Variants in MTAP observed in about 807,000 individuals in gnomAD.
MTAP encodes the protein methylthioadenosine phosphorylase.
In MTAP, 33 loss-of-function variants were observed where a neutral mutation model predicts 33.6. That is an observed-to-expected ratio of 0.98 (90% confidence interval 0.74 to 1.31). The LOEUF (loss-of-function observed/expected upper bound fraction) is 1.31. Among genes scored for constraint, MTAP ranks in the 40% most tolerant of loss-of-function variants. The pLI is 0.00. For missense variants in MTAP, 367 were observed against 360.0 expected (o/e 1.02, Z -0.16); for synonymous variants, 148 against 125.7 (o/e 1.18, Z -1.19).
At chr9:21,837,876 C>G in intron 4 of MTAP, 32 bp from the exon 5 acceptor site, 2 of 1,587,634 alleles carry the variant, frequency 1.3e-6, no homozygotes, top group Non-Finnish European at 8.6e-7. Flanking sequence ...TAAAATAAAA[C>G]AAACAAAAAC....
chr9:21,932,025 A>G (rs1377206790), downstream of MTAP: 1 of 151,454 alleles, frequency 6.6e-6, no homozygotes, highest in South Asian at 2.1e-4. Flanking sequence ...ATGAGACTCT[A>G]TTTTTTTTTC....
intron 1 of MTAP, among the ~76,000 whole-genome samples, chr9:21,920,685 A>G (rs2131032262): frequency 1.3e-5 from 2 of 152,306 alleles, no homozygotes; most frequent in Middle Eastern, 6.8e-3. Context: ...AAACTTGATT[A>G]AATAATTATT....
chr9:21,838,042 T>A (rs755645632), intron 5 of MTAP, 32 bp downstream of exon 5: 3 of 1,572,752 alleles, frequency 1.9e-6, no homozygotes, highest in Non-Finnish European at 2.6e-6. Flanking sequence ...TGTACCAGAA[T>A]AAATCATGTG....
At chr9:21,930,573 G>T in intron 1 of MTAP, 1 of 321,146 alleles carries the variant, frequency 3.1e-6, no homozygotes, top group Non-Finnish European at 5.6e-6. Flanking sequence ...TAAACTGCCG[G>T]AATCTCAAAA....
chr9:21,864,290 G>T lies in MTAP; in HGVS notation c.*2276G>T. ...CAATATAATTTTCCTCATACCTTATGCTTGAGGATATTGTTGAAGAACACT... is the reference window on the plus strand; with the variant it reads ...CAATATAATTTTCCTCATACCTTATTCTTGAGGATATTGTTGAAGAACACT... On this transcript the variant is annotated 3_prime_UTR_variant, in exon 8 of 8. Coordinates refer to ENST00000644715, the MANE Select transcript of MTAP (RefSeq NM_002451.4). The T allele has an allele frequency of 1.0e-6, 1 of 984,998 alleles. No individual in the cohort carries two copies. Among genetic ancestry groups the T allele is most frequent in the Non-Finnish European group, 1.2e-6 (1 of 829,862 alleles). The allele number at this position is 984,998 out of a possible 1,614,324, so 61.0% of individuals were successfully genotyped here.
chr9:21,817,009 A>G (rs1226260967), intron 3 of MTAP, among the ~76,000 whole-genome samples: 1 of 152,200 alleles, frequency 6.6e-6, no homozygotes, highest in East Asian at 1.9e-4. Flanking sequence ...CTAAAATCAA[A>G]GCTCTGGTTT....
chr9:21,884,840 A>T (rs1818082211), intron 1 of MTAP, among the ~76,000 whole-genome samples: 1 of 152,202 alleles, frequency 6.6e-6, no homozygotes, highest in Non-Finnish European at 1.5e-5. Context: ...ATAAAATTGC[A>T]TGATTCCCTT....
At chr9:21,859,640 G>C (rs1320392287) in intron 7 of MTAP, 11 of 441,674 alleles carry the variant, frequency 2.5e-5, no homozygotes, top group Non-Finnish European at 4.3e-5. Flanking sequence ...GGCTAGGGTT[G>C]AGAGAGTTTT....
chr9:21,818,934 T>A (rs1276002188), intron 4 of MTAP, among the ~76,000 whole-genome samples: 1 of 152,178 alleles, frequency 6.6e-6, no homozygotes, highest in African/African-American at 2.4e-5. Context: ...CCCCAGCCCC[T>A]GGTAACCTTT....
intron 1 of MTAP, among the ~76,000 whole-genome samples, chr9:21,898,395 A>G (rs1818333609): frequency 6.6e-6 from 1 of 152,258 alleles, no homozygotes; most frequent in Non-Finnish European, 1.5e-5. Context: ...ATCTAATTAA[A>G]CTAAAGAGCT....
intron 1 of MTAP, among the ~76,000 whole-genome samples, chr9:21,806,630 A>G (rs1432869103): frequency 6.6e-6 from 1 of 151,992 alleles, no homozygotes; most frequent in Non-Finnish European, 1.5e-5. Context: ...GAGTGAGGAT[A>G]TTACCTGGGG....
At position 21,837,870 on chromosome 9, in the gene MTAP, A is replaced by T. The variant is rs527629026; in HGVS notation, c.348-38A>T. On this transcript the variant is annotated intron_variant, in intron 4 of 7. Coordinates refer to ENST00000644715, the MANE Select transcript of MTAP (RefSeq NM_002451.4). ...CGGAGGATGGAAAGATGGCCTTAAA[A>T]TAAAACAAACAAAAACCTTTTTTGC... 3 of 1,576,412 alleles carry T rather than the reference A, an allele frequency of 1.9e-6. No individual in the cohort carries two copies. In the South Asian group the frequency reaches 3.3e-5, roughly 18 times the overall value.
chr9:21,911,805 C>T (rs929236710), intron 1 of MTAP, among the ~76,000 whole-genome samples: 1 of 151,762 alleles, frequency 6.6e-6, no homozygotes. Flanking sequence ...GAGATAGAGA[C>T]ACAAAAAACC....
rs1365121952 is a variant in MTAP, at chr9:21,806,579, C to CT, written c.33+3804dup. Among the ~76,000 whole-genome samples the CT allele has an allele frequency of 3.3e-5, 5 of 152,074 alleles. No homozygotes were observed. In the East Asian group the frequency reaches 9.7e-4, roughly 30 times the overall value. On this transcript the variant is annotated intron_variant, in intron 1 of 7. Transcript: ENST00000644715. ...CTGGAGTGAGAGTAATTCAAGCAATCTTTTTTGTGGTTCACTGCAGTGAGA... is the reference window on the plus strand; with the variant it reads ...CTGGAGTGAGAGTAATTCAAGCAATCTTTTTTTGTGGTTCACTGCAGTGAGA...
At chr9:21,813,398 G>C (rs1824400018) in intron 1 of MTAP, among the ~76,000 whole-genome samples, 1 of 152,236 alleles carries the variant, frequency 6.6e-6, no homozygotes, top group Non-Finnish European at 1.5e-5. Context: ...GCTGAGGGCT[G>C]AGTTGCCAGC....
chr9:21,930,837 T>C, intron 1 of MTAP: 1 of 675,272 alleles, frequency 1.5e-6, no homozygotes, highest in Non-Finnish European at 2.6e-6. Flanking sequence ...AGCCTCCAGC[T>C]TACAAGAACA....
chr9:21,805,147 C>A (rs1005562359), intron 1 of MTAP, among the ~76,000 whole-genome samples: 1 of 152,214 alleles, frequency 6.6e-6, no homozygotes, highest in South Asian at 2.1e-4. Context: ...ACACTCAGCC[C>A]AGTTCCAGGT....
chr9:21,803,281 G>T, intron 1 of MTAP: 1 of 252,556 alleles, frequency 4.0e-6, no homozygotes, highest in Non-Finnish European at 7.5e-6. Flanking sequence ...TGCGGCCCAC[G>T]TGGGAGAACT....
intron 1 of MTAP, among the ~76,000 whole-genome samples, chr9:21,913,119 G>C (rs940946586): frequency 2.0e-5 from 3 of 152,140 alleles, no homozygotes; most frequent in African/African-American, 2.4e-5. Context: ...ACTGCTCAAC[G>C]AAATAAAAGA....
Sources: gnomAD v4.1 joint callset for allele counts (sites outside exome capture counted in the v4.1 genomes callset) on GRCh38, gnomAD v4.1.1 for gene constraint, MANE v1.5 for transcripts, NCBI Gene and HGNC (gene_info 2026-07-23, HGNC 2026-07-21) for gene names.